The following WDR70 variants were observed in gnomAD, a reference collection of about 807,000 sequenced individuals.
WDR70 encodes the protein WD repeat-containing protein 70.
A neutral mutation model predicts 88.6 loss-of-function variants in WDR70; 53 were observed. The ratio of observed to expected loss-of-function variants is 0.60; its 90% CI spans 0.48 to 0.75. WDR70 has a LOEUF of 0.75. Ranked by LOEUF, WDR70 falls within the 30% of genes least tolerant of loss-of-function variation. WDR70 has a pLI of 0.00. For missense variants in WDR70, 610 were observed against 823.2 expected (o/e 0.74, Z 3.17); for synonymous variants, 280 against 270.0 (o/e 1.04, Z -0.36).
chr5:37,463,535 C>G (rs955459938), intron 7 of WDR70, among the ~76,000 whole-genome samples: 1 of 152,162 alleles, frequency 6.6e-6, no homozygotes, highest in Non-Finnish European at 1.5e-5. Context: ...CTTCCCATTC[C>G]CTTCCACTTC....
chr5:37,442,650 T>G (rs1416853359), intron 6 of WDR70, among the ~76,000 whole-genome samples: 2 of 152,182 alleles, frequency 1.3e-5, no homozygotes, highest in Admixed American at 1.3e-4. Context: ...GGAACCAATA[T>G]AAGTACTATT....
chr5:37,638,650 C>G (rs946123594), intron 10 of WDR70, among the ~76,000 whole-genome samples: 2 of 152,108 alleles, frequency 1.3e-5, no homozygotes, highest in African/African-American at 4.8e-5. Context: ...GTTAGCAATA[C>G]CATTTCTTTT....
intron 8 of WDR70, among the ~76,000 whole-genome samples, chr5:37,487,619 ATATATGTATTT>A (rs1219212990): frequency 3.2e-4 from 30 of 93,512 alleles, no homozygotes; most frequent in East Asian, 7.5e-4. Context: ...ATATATATAT[ATATATGTATTT>A]TTTTTTTTTT....
At chr5:37,702,898 G>T in intron 12 of WDR70, 51 bp from the exon 13 acceptor site, 9 of 1,543,928 alleles carry the variant, frequency 5.8e-6, no homozygotes, top group Non-Finnish European at 8.0e-6. Context: ...ATGATTGCTG[G>T]ACTGTTGTGG....
intron 10 of WDR70, among the ~76,000 whole-genome samples, chr5:37,670,897 T>C (rs570592185): frequency 6.6e-6 from 1 of 152,198 alleles, no homozygotes. Flanking sequence ...TAAATATTAG[T>C]TGAATTTATA....
At chr5:37,543,722 A>C (rs1016804296) in intron 9 of WDR70, among the ~76,000 whole-genome samples, 2 of 144,880 alleles carry the variant, frequency 1.4e-5, no homozygotes, top group Non-Finnish European at 3.0e-5. Context: ...AATTTGAGAT[A>C]GAGAAAAAAA....
At chr5:37,574,503 T>A (rs1742999846) in intron 9 of WDR70, among the ~76,000 whole-genome samples, 1 of 152,190 alleles carries the variant, frequency 6.6e-6, no homozygotes, top group Non-Finnish European at 1.5e-5. Context: ...AGTTAGCATA[T>A]GTCAGGATTT....
At chr5:37,639,495 T>C (rs1745051227) in intron 10 of WDR70, among the ~76,000 whole-genome samples, 1 of 152,236 alleles carries the variant, frequency 6.6e-6, no homozygotes, top group South Asian at 2.1e-4. Context: ...TACTTATGCA[T>C]GAATGTTTTT....
chr5:37,572,574 C>T (rs919733173), intron 9 of WDR70, among the ~76,000 whole-genome samples: 21 of 152,158 alleles, frequency 1.4e-4, no homozygotes, highest in Non-Finnish European at 5.9e-5. Context: ...AAGCAACCTC[C>T]TGTCATCCAC....
intron 9 of WDR70, among the ~76,000 whole-genome samples, chr5:37,526,434 C>G (rs1018373036): frequency 2.4e-4 from 36 of 152,126 alleles, no homozygotes; most frequent in Non-Finnish European, 4.6e-4. Flanking sequence ...ATTCAATAGC[C>G]CTTCATGCTA....
rs569922963 is a variant in WDR70, at chr5:37,724,666, T to C, written c.1598-268T>C. 41 of 351,662 alleles carry C rather than the reference T, an allele frequency of 1.2e-4. No homozygotes were observed. In the South Asian group the frequency reaches 2.0e-3, roughly 17 times the overall value. 21.8% of individuals were successfully genotyped at this position (351,662 alleles called of 1,614,324 possible). On this transcript the variant is annotated intron_variant, in intron 15 of 17. Coordinates refer to ENST00000265107, the MANE Select transcript of WDR70 (RefSeq NM_018034.4). The stretch of plus-strand genomic sequence containing the variant: ...GTAATTAAGTTTTAACTGCTACCCA[T>C]GGTTTGGGAGATGGGGAGCCTCACC...
At chr5:37,630,759 A>C (rs1744791683) in intron 10 of WDR70, among the ~76,000 whole-genome samples, 2 of 152,200 alleles carry the variant, frequency 1.3e-5, no homozygotes, top group African/African-American at 4.8e-5. Context: ...CCAGTGCTGG[A>C]GAAGTGCAGT....
At chr5:37,415,684 G>A (rs1319650876) in intron 5 of WDR70, among the ~76,000 whole-genome samples, 2 of 150,850 alleles carry the variant, frequency 1.3e-5, no homozygotes, top group African/African-American at 2.4e-5. Flanking sequence ...CCTCCCTCCC[G>A]CCGGGCGGAG....
At chr5:37,562,883 A>G (rs952825292) in intron 9 of WDR70, among the ~76,000 whole-genome samples, 7 of 151,518 alleles carry the variant, frequency 4.6e-5, no homozygotes, top group African/African-American at 1.5e-4. Context: ...CGATTTCTCA[A>G]TCTTTTCCCC....
chr5:37,679,888 C>G (rs1212394695), intron 10 of WDR70, among the ~76,000 whole-genome samples: 2 of 152,280 alleles, frequency 1.3e-5, no homozygotes, highest in Admixed American at 6.5e-5. Context: ...GGGCTCCACC[C>G]AGTTGGAGCT....
rs538680977 is a variant in WDR70 at position 37,701,038 on chromosome 5, T to C, written c.1193-20T>C. 175 of 1,518,232 alleles carry C rather than the reference T, an allele frequency of 1.2e-4. No individual in the cohort carries two copies. The highest frequency in any genetic ancestry group is 7.5e-4 in the African/African-American group (55 of 72,858). 94.0% of individuals were successfully genotyped at this position (1,518,232 alleles called of 1,614,324 possible). A position where few individuals can be genotyped will look rare whatever the true frequency, so the allele number is the denominator to read the frequency against. On this transcript the variant is annotated intron_variant, in intron 11 of 17. Coordinates refer to ENST00000265107, the MANE Select transcript of WDR70 (RefSeq NM_018034.4). Reference sequence around the variant, plus strand: ...ACAATTCACTTTTCTGTCTTTTTTTTCCCCTCATTCCTCTGTCAGGTGACG... The same window carrying C: ...ACAATTCACTTTTCTGTCTTTTTTTCCCCCTCATTCCTCTGTCAGGTGACG...
intron 10 of WDR70, among the ~76,000 whole-genome samples, chr5:37,696,693 A>G (rs1355810861): frequency 6.6e-6 from 1 of 152,070 alleles, no homozygotes; most frequent in African/African-American, 2.4e-5. Flanking sequence ...ACACACACCT[A>G]TTATAGAGGT....
rs892556006 is a variant in WDR70, at chr5:37,392,024, T to C, written c.200T>C (p.Met67Thr). Residue 67 changes from methionine to threonine, a missense_variant, in exon 4 of 18, where the codon ATG becomes ACG. Met to Thr is a moderately conservative substitution (Grantham distance 81). Around this residue, in one of 4 missense-constraint regions of WDR70, gnomAD observed 203 missense variants for 228.1 expected, o/e 0.89. Coordinates refer to ENST00000265107, the MANE Select transcript of WDR70 (RefSeq NM_018034.4). ...GAAGCAAGAGAAAAAGAGGAAGAAA[T>C]GAACAGAGAGAAAGAATTAAGAAGA... ...TLEAREKEEE[M>T]NREKELRRQN... The C allele has an allele frequency of 2.5e-6, 4 of 1,608,144 alleles. No homozygotes were observed. The highest frequency in any genetic ancestry group is 3.4e-6 in the Non-Finnish European group (4 of 1,178,592).
At chr5:37,613,931 A>G (rs1744258088) in intron 10 of WDR70, among the ~76,000 whole-genome samples, 1 of 152,220 alleles carries the variant, frequency 6.6e-6, no homozygotes, top group Admixed American at 6.5e-5. Flanking sequence ...GAGAGTCAGG[A>G]AAACTATGGC....
Sources: allele counts gnomAD v4.1 joint callset (sites outside exome capture counted in the v4.1 genomes callset), GRCh38; gene constraint gnomAD v4.1.1; regional missense constraint gnomAD v4.1.1; transcripts MANE v1.5; gene names NCBI Gene and HGNC (gene_info 2026-07-23, HGNC 2026-07-21).